The following SACM1L variants were observed in gnomAD, a reference collection of about 807,000 sequenced individuals.
The protein encoded by SACM1L is SAC1 like phosphatidylinositide phosphatase, also known as phosphatidylinositol-3-phosphatase SAC1.
Under a neutral mutation model 89.5 loss-of-function variants are expected in SACM1L, and 32 were observed. The ratio of observed to expected loss-of-function variants is 0.36; its 90% confidence interval spans 0.27 to 0.48. The LOEUF (loss-of-function observed/expected upper bound fraction) is 0.48. Among genes scored for constraint, SACM1L ranks in the 20% least tolerant of loss-of-function variants. The probability of loss-of-function intolerance (pLI) is 0.99; values close to 1 mark genes in which losing one functional copy is unlikely to be tolerated. For synonymous variants in SACM1L, 213 were observed against 232.8 expected (o/e 0.92, Z 0.77); for missense variants, 543 against 708.5 (o/e 0.77, Z 2.65).
intron 1 of SACM1L, among the ~76,000 whole-genome samples, chr3:45,694,079 G>A (rs1380345772): frequency 2.6e-5 from 4 of 152,132 alleles, no homozygotes; most frequent in Admixed American, 6.6e-5. Flanking sequence ...CACTTCTTAG[G>A]CCCCTCAGAC....
intron 7 of SACM1L, among the ~76,000 whole-genome samples, chr3:45,716,815 T>C (rs987899567): frequency 8.5e-5 from 13 of 152,160 alleles, no homozygotes; most frequent in Non-Finnish European, 1.8e-4. Flanking sequence ...AGACTAGAAG[T>C]AAATACACTC....
chr3:45,736,193 C>A (rs959884086), intron 14 of SACM1L, among the ~76,000 whole-genome samples: 1 of 152,122 alleles, frequency 6.6e-6, no homozygotes, highest in African/African-American at 2.4e-5. Flanking sequence ...TTCGTTAATA[C>A]AAAAGTAGCA....
chr3:45,691,674 G>A (rs1190978776), intron 1 of SACM1L, among the ~76,000 whole-genome samples: 3 of 151,868 alleles, frequency 2.0e-5, no homozygotes, highest in South Asian at 2.1e-4. Flanking sequence ...GAGTACAGTG[G>A]TTTGATCATA....
At chr3:45,689,699 T>G (rs1697921447) in intron 1 of SACM1L, 1 of 646,094 alleles carries the variant, frequency 1.5e-6, no homozygotes, top group South Asian at 1.9e-5. Flanking sequence ...TCGCCGGCCT[T>G]TCTCCACCGT....
chr3:45,712,172 GC>G (rs142054397), intron 5 of SACM1L, among the ~76,000 whole-genome samples: 9,063 of 152,234 alleles, frequency 0.06, 893 homozygotes, highest in African/African-American at 0.21. Context: ...TTTAGAGTCG[GC>G]GGTGCTGGTG....
intron 1 of SACM1L, among the ~76,000 whole-genome samples, chr3:45,700,507 G>A (rs972675087): frequency 1.3e-5 from 2 of 152,080 alleles, no homozygotes; most frequent in South Asian, 2.1e-4. Flanking sequence ...CACTAAAGAC[G>A]GTGGAAGGGT....
At chr3:45,692,622 A>C (rs1698022076) in intron 1 of SACM1L, among the ~76,000 whole-genome samples, 1 of 152,246 alleles carries the variant, frequency 6.6e-6, no homozygotes, top group Non-Finnish European at 1.5e-5. Flanking sequence ...AAGAGAGTTT[A>C]GATGAAGTAC....
intron 7 of SACM1L, among the ~76,000 whole-genome samples, chr3:45,718,149 C>T (rs1474986782): frequency 6.6e-6 from 1 of 152,098 alleles, no homozygotes; most frequent in African/African-American, 2.4e-5. Flanking sequence ...CTGGCATGTC[C>T]ATGGACAGTA....
At chr3:45,704,221 A>T (rs896631348) in intron 2 of SACM1L, among the ~76,000 whole-genome samples, 1 of 152,148 alleles carries the variant, frequency 6.6e-6, no homozygotes, top group Non-Finnish European at 1.5e-5. Context: ...TAAAGATTCT[A>T]TTCACCCCCA....
rs148320278 is a variant in SACM1L at position 45,706,791 on chromosome 3, A to G, written c.217A>G (p.Ile73Val). ...TIHLVAGNYL[I>V]VITKKIKVGE... ...CTTGCTTTTTGCAGGTAATTATCTT[A>G]TAGTCATTACCAAAAAGATAAAAGT... is the stretch of plus-strand genomic sequence containing the variant. Residue 73 changes from isoleucine (I) to valine (V), a missense_variant, in exon 4 of 20, where the codon ATA becomes GTA. This residue lies in a region of SACM1L where 173 missense variants were observed against 180.9 expected (regional missense o/e 0.96). Transcript: ENST00000389061. 155 of 1,608,890 alleles carry G rather than the reference A, an allele frequency of 9.6e-5. No homozygotes were observed. The African/African-American group carries it at 1.8e-3, about 19-fold the overall frequency.
chr3:45,712,086 C>A (rs1444378564), intron 5 of SACM1L, among the ~76,000 whole-genome samples: 1 of 152,040 alleles, frequency 6.6e-6, no homozygotes, highest in Non-Finnish European at 1.5e-5. Context: ...GGTACAAATT[C>A]AGGAACACAC....
At chr3:45,708,368 G>C (rs1340387932) in intron 4 of SACM1L, among the ~76,000 whole-genome samples, 1 of 151,862 alleles carries the variant, frequency 6.6e-6, no homozygotes, top group Non-Finnish European at 1.5e-5. Context: ...GAGAGTGATT[G>C]TTTTCTTAAT....
intron 1 of SACM1L, among the ~76,000 whole-genome samples, chr3:45,690,677 TTACTG>T (rs1349115542): frequency 2.6e-5 from 4 of 152,202 alleles, no homozygotes; most frequent in Non-Finnish European, 5.9e-5. Flanking sequence ...CCATTTCTGT[TTACTG>T]TAATGTTCTT....
intron 13 of SACM1L, 68 bp downstream of exon 13, chr3:45,732,219 C>A: frequency 2.4e-6 from 2 of 830,236 alleles, no homozygotes; most frequent in African/African-American, 1.7e-5. Flanking sequence ...TTTTATTATG[C>A]GTCATCCAGC....
intron 11 of SACM1L, among the ~76,000 whole-genome samples, chr3:45,726,085 C>T (rs1424938144): frequency 6.6e-6 from 1 of 151,958 alleles, no homozygotes; most frequent in East Asian, 1.9e-4. Context: ...AAATATGCTG[C>T]AGAATTTGGT....
intron 14 of SACM1L, among the ~76,000 whole-genome samples, chr3:45,737,022 T>G (rs1699216576): frequency 6.6e-6 from 1 of 152,162 alleles, no homozygotes; most frequent in African/African-American, 2.4e-5. Flanking sequence ...ACTTGTCATC[T>G]GTGGTTGGTG....
intron 1 of SACM1L, among the ~76,000 whole-genome samples, chr3:45,692,184 A>G (rs1464350606): frequency 2.0e-5 from 3 of 152,172 alleles, no homozygotes; most frequent in African/African-American, 4.8e-5. Flanking sequence ...CAGAATGGAT[A>G]TGGATTCATA....
chr3:45,724,563 C>G (rs139970415), intron 11 of SACM1L, among the ~76,000 whole-genome samples: 1 of 152,036 alleles, frequency 6.6e-6, no homozygotes, highest in Non-Finnish European at 1.5e-5. Context: ...CAGACAGGTG[C>G]TTTACAAATA....
rs564972238 is a variant in SACM1L at position 45,743,855 on chromosome 3, A to G, written c.*186A>G. ...TTACTGCCTTGATGGTCTCTTTACT[A>G]TTGGGACAGTTAGATTTATAATTTG... On this transcript the variant is annotated 3_prime_UTR_variant, in exon 20 of 20. Coordinates refer to ENST00000389061, the MANE Select transcript of SACM1L (RefSeq NM_014016.5). 1.2e-4 allele frequency: 55 copies of G among 474,266 alleles called. No homozygotes were observed. Among genetic ancestry groups the G allele is most frequent in the African/African-American group, 9.9e-4 (50 of 50,648 alleles). The allele number at this position is 474,266 out of a possible 1,614,324, so 29.4% of individuals were successfully genotyped here.
Sources: allele counts gnomAD v4.1 joint callset (sites outside exome capture counted in the v4.1 genomes callset), GRCh38; gene constraint gnomAD v4.1.1; regional missense constraint gnomAD v4.1.1; transcripts MANE v1.5; gene names NCBI Gene and HGNC (gene_info 2026-07-23, HGNC 2026-07-21).